Variants in NTF3 observed in about 807,000 individuals in gnomAD.
NTF3 encodes the protein neurotrophin-3.
In NTF3, 8 loss-of-function variants were observed where a neutral mutation model predicts 26.3. The ratio of observed to expected loss-of-function variants is 0.30; its 90% CI spans 0.18 to 0.55. The LOEUF is 0.55. Ranked by LOEUF, NTF3 falls within the 20% of genes least tolerant of loss-of-function variation. The pLI is 0.93. For missense variants in NTF3, 276 were observed against 352.9 expected, an observed-to-expected ratio of 0.78 and a Z score of 1.75; for synonymous variants, 154 against 145.5, an observed-to-expected ratio of 1.06 and a Z score of -0.42.
At chr12:5,458,596 T>C (rs1280800647) in intron 1 of NTF3, among the ~76,000 whole-genome samples, 1 of 152,124 alleles carries the variant, frequency 6.6e-6, no homozygotes, top group Non-Finnish European at 1.5e-5. Flanking sequence ...TGGAATAAGA[T>C]CAAAGATCAG....
chr12:5,454,319 A>C (rs1940410881), intron 1 of NTF3, among the ~76,000 whole-genome samples: 1 of 152,154 alleles, frequency 6.6e-6, no homozygotes, highest in Admixed American at 6.5e-5. Context: ...CTGTGTTCAG[A>C]TGTCCCTTTT....
chr12:5,475,244 G>A (rs1349915440), intron 1 of NTF3, among the ~76,000 whole-genome samples: 11 of 152,164 alleles, frequency 7.2e-5, no homozygotes, highest in East Asian at 3.9e-4. Flanking sequence ...GAGAGGTGCC[G>A]TCTGGAGGAG....
At chr12:5,469,395 T>G (rs946256734) in intron 1 of NTF3, among the ~76,000 whole-genome samples, 27 of 151,950 alleles carry the variant, frequency 1.8e-4, no homozygotes, top group African/African-American at 2.2e-4. Flanking sequence ...GGGAGAGAAG[T>G]GGGGACAGAA....
intron 1 of NTF3, among the ~76,000 whole-genome samples, chr12:5,453,781 C>T (rs570939075): frequency 6.6e-6 from 1 of 152,188 alleles, no homozygotes; most frequent in Non-Finnish European, 1.5e-5. Flanking sequence ...AGGAATGGCC[C>T]AGCAACCAAG....
At chr12:5,452,553 C>T (rs763553309) in intron 1 of NTF3, among the ~76,000 whole-genome samples, 3 of 152,202 alleles carry the variant, frequency 2.0e-5, no homozygotes, top group Non-Finnish European at 2.9e-5. Context: ...TTTGAATACA[C>T]ATATCTGGCT....
chr12:5,459,230 C>T (rs1441979506), intron 1 of NTF3, among the ~76,000 whole-genome samples: 3 of 152,164 alleles, frequency 2.0e-5, no homozygotes, highest in African/African-American at 2.4e-5. Flanking sequence ...AATGAGATGA[C>T]GTCAGAGGAT....
chr12:5,492,190 T>C (rs12424349), intron 1 of NTF3, among the ~76,000 whole-genome samples: 1,529 of 152,296 alleles, frequency 0.01, 67 homozygotes, highest in Admixed American at 0.083. Context: ...TCAGCCAGCA[T>C]TCTCCCTCTC....
intron 1 of NTF3, among the ~76,000 whole-genome samples, chr12:5,440,733 G>T (rs1382367006): frequency 1.3e-5 from 2 of 152,202 alleles, no homozygotes; most frequent in Non-Finnish European, 2.9e-5. Context: ...CTCTTTTCCT[G>T]GAAAAGGGAG....
At position 5,494,567 on chromosome 12, in the gene NTF3, A is replaced by G; in HGVS notation, c.392A>G (p.Tyr131Cys). The change falls in exon 2 of 2, where the codon TAT (tyrosine) becomes TGT (cysteine). Residue 131 changes from tyrosine to cysteine, a missense_variant. This residue lies in a region of NTF3 where 221 missense variants were observed against 258.2 expected (regional missense o/e 0.86). Coordinates refer to ENST00000423158, the MANE Select transcript of NTF3 (RefSeq NM_001102654.2). This position sits in a 1 kb window ranked among gnomAD's most constrained non-coding sequence, Gnocchi z 8.3. ...DSTPLEPPPL[Y>C]LMEDYVGSPV... Reference sequence around the variant, plus strand: ...ACCCCCTTGGAGCCCCCGCCCTTGTATCTCATGGAGGATTACGTGGGCAGC... The same window carrying G: ...ACCCCCTTGGAGCCCCCGCCCTTGTGTCTCATGGAGGATTACGTGGGCAGC... 1 of 1,614,092 alleles carries G rather than the reference A, an allele frequency of 6.2e-7. No individual in the cohort carries two copies. The highest frequency in any genetic ancestry group is 8.5e-7 in the Non-Finnish European group (1 of 1,180,022).
At chr12:5,442,062 A>C (rs1940244904) in intron 1 of NTF3, among the ~76,000 whole-genome samples, 1 of 152,212 alleles carries the variant, frequency 6.6e-6, no homozygotes, top group Non-Finnish European at 1.5e-5. Flanking sequence ...GTCACGTGCT[A>C]AATGTTGGGG....
rs1251014501 is a variant in NTF3, at chr12:5,494,250, T to C, written c.75T>C (p.Tyr25=). The change falls in exon 2 of 2, where the codon TAT becomes TAC. Residue 25 remains tyrosine (Y), a synonymous_variant. Coordinates refer to ENST00000423158, the MANE Select transcript of NTF3 (RefSeq NM_001102654.2). The surrounding 1 kb of genome is among the most constrained non-coding windows in gnomAD (Gnocchi z 8.3). ...TGTTTTATGTGATATTTCTCGCTTA[T>C]CTCCGTGGCATCCAAGGTAACAACA... ...SILFYVIFLA[Y]LRGIQGNNMD... is the part of the protein sequence containing the mutation. 11 of 1,614,116 alleles carry C rather than the reference T, an allele frequency of 6.8e-6. No homozygotes were observed. Among genetic ancestry groups the C allele is most frequent in the Non-Finnish European group, 9.3e-6 (11 of 1,180,022 alleles).
intron 1 of NTF3, among the ~76,000 whole-genome samples, chr12:5,483,131 C>A (rs561247418): frequency 6.6e-6 from 1 of 152,128 alleles, no homozygotes; most frequent in Admixed American, 6.5e-5. Context: ...CTCTTCCTTT[C>A]TCTGTCTCAG....
In NTF3 at chr12:5,494,195, T is replaced by C. The variant is rs975905708; in HGVS notation, c.20T>C (p.Ile7Thr). Residue 7 changes from isoleucine to threonine, a missense_variant and splice_region_variant, in exon 2 of 2, where the codon ATC becomes ACC. Ile to Thr is a moderately conservative substitution (Grantham distance 89). This residue lies in a region of NTF3 where 221 missense variants were observed against 258.2 expected (regional missense o/e 0.86). Coordinates refer to ENST00000423158, the MANE Select transcript of NTF3 (RefSeq NM_001102654.2). The surrounding 1 kb of genome is among the most constrained non-coding windows in gnomAD (Gnocchi z 8.3). Reference sequence around the variant, plus strand: ...TTAACACCTGTGTTTCCTTTTCAGATCTTACAGGTGAACAAGGTGATGTCC... The same window carrying C: ...TTAACACCTGTGTTTCCTTTTCAGACCTTACAGGTGAACAAGGTGATGTCC... MVTFAT[I>T]LQVNKVMSIL... The C allele has an allele frequency of 6.2e-7, 1 of 1,612,260 alleles. No individual in the cohort carries two copies. Among genetic ancestry groups the C allele is most frequent in the African/African-American group, 1.3e-5 (1 of 75,020 alleles).
At chr12:5,482,593 G>T (rs1214719519) in intron 1 of NTF3, among the ~76,000 whole-genome samples, 1 of 152,026 alleles carries the variant, frequency 6.6e-6, no homozygotes, top group Non-Finnish European at 1.5e-5. Context: ...GGCCTTCTCT[G>T]GTACCTTTCC....
rs56020211 is a variant in NTF3 at position 5,433,199 on chromosome 12, C to T, written c.18+857C>T. ...CCGTACGCAGCCCGCACATCTGGGA[C>T]CCCTCCGGGGAGCGGCGGGCACCCG... On this transcript the variant is annotated intron_variant, in intron 1 of 1. Coordinates refer to ENST00000423158, the MANE Select transcript of NTF3 (RefSeq NM_001102654.2). This position sits in a 1 kb window ranked among gnomAD's most constrained non-coding sequence, Gnocchi z 4.6. The T allele has an allele frequency of 0.072, 11,028 of 152,358 alleles. 513 individuals carry two copies. The highest frequency in any genetic ancestry group is 0.1 in the Non-Finnish European group (6,949 of 68,070). The allele number at this position is 152,358 out of a possible 1,614,324, so 9.4% of individuals were successfully genotyped here.
chr12:5,493,986 A>G (rs1940969918), intron 1 of NTF3: 5 of 589,574 alleles, frequency 8.5e-6, no homozygotes, highest in Non-Finnish European at 1.5e-5. Flanking sequence ...CAGAGTCGGC[A>G]GACCTGGAGT....
chr12:5,465,430 G>A (rs762190652), intron 1 of NTF3, among the ~76,000 whole-genome samples: 1 of 152,236 alleles, frequency 6.6e-6, no homozygotes, highest in African/African-American at 2.4e-5. Context: ...CAGCATTCAC[G>A]TGTAGCAGAG....
intron 1 of NTF3, among the ~76,000 whole-genome samples, chr12:5,463,310 A>G (rs1353763119): frequency 6.6e-6 from 1 of 152,216 alleles, no homozygotes; most frequent in East Asian, 1.9e-4. Context: ...TTTTCTGTCC[A>G]ACAGTATAAA....
chr12:5,449,413 G>A (rs1940346393), intron 1 of NTF3, among the ~76,000 whole-genome samples: 1 of 152,126 alleles, frequency 6.6e-6, no homozygotes, highest in Admixed American at 6.5e-5. Flanking sequence ...AACTTCCCCT[G>A]TTCTTTCTTT....
Sources: allele counts gnomAD v4.1 joint callset (sites outside exome capture counted in the v4.1 genomes callset), GRCh38; gene constraint gnomAD v4.1.1; regional missense constraint gnomAD v4.1.1; non-coding constraint Gnocchi (gnomAD v3.1); transcripts MANE v1.5; gene names NCBI Gene and HGNC (gene_info 2026-07-23, HGNC 2026-07-21).